KIDINS220: variants seen among roughly 807,000 people sequenced by gnomAD.
The protein encoded by KIDINS220 is kinase D-interacting substrate of 220 kDa.
A neutral mutation model predicts 157.6 loss-of-function variants in KIDINS220; 63 were observed. The observed-to-expected ratio is 0.40, with a 90% confidence interval of 0.33 to 0.49. The LOEUF (loss-of-function observed/expected upper bound fraction) is 0.49. Ranked by LOEUF, KIDINS220 falls within the 20% of genes least tolerant of loss-of-function variation. The pLI is 0.66. For synonymous variants in KIDINS220, 732 were observed against 783.6 expected, an observed-to-expected ratio of 0.93 and a Z score of 1.10; for missense variants, 1,772 against 2,171.2, an observed-to-expected ratio of 0.82 and a Z score of 3.65.
chr2:8,743,460 C>T (rs1051170852), intron 26 of KIDINS220, among the ~76,000 whole-genome samples: 6 of 152,130 alleles, frequency 3.9e-5, no homozygotes, highest in Non-Finnish European at 8.8e-5. Context: ...GCTGACTAAT[C>T]CTTGAATCAG....
intron 20 of KIDINS220, among the ~76,000 whole-genome samples, chr2:8,777,392 G>A (rs1451676162): frequency 6.6e-6 from 1 of 152,146 alleles, no homozygotes; most frequent in Non-Finnish European, 1.5e-5. Flanking sequence ...TGGATGTTCT[G>A]GGCTTGGGCA....
At chr2:8,721,375 A>C (rs1374123444), downstream of KIDINS220, 1 of 152,232 alleles carries the variant, frequency 6.6e-6, no homozygotes, top group East Asian at 1.9e-4. Flanking sequence ...CATGCATCAT[A>C]ATTGGATGAG....
At chr2:8,799,743 T>C (rs1674436958) in intron 9 of KIDINS220, among the ~76,000 whole-genome samples, 1 of 152,228 alleles carries the variant, frequency 6.6e-6, no homozygotes, top group African/African-American at 2.4e-5. Flanking sequence ...CAAGAGATTT[T>C]TGGCCAAATA....
Position 8,818,684 on chromosome 2 carries a change from T to C in KIDINS220, c.207+11A>G. On this transcript the variant is annotated intron_variant, in intron 3 of 29. Transcript: ENST00000256707. ...GTGAGTAAATGATGAGTAAATTATT[T>C]TAATATATACCAAATCTTCCAGATT... 1 of 1,447,672 alleles carries C rather than the reference T, an allele frequency of 6.9e-7. No homozygotes were observed. Among genetic ancestry groups the C allele is most frequent in the Non-Finnish European group, 9.6e-7 (1 of 1,040,348 alleles). 89.7% of individuals were successfully genotyped at this position (1,447,672 alleles called of 1,614,324 possible).
rs761127206 is a variant in KIDINS220 at position 8,779,084 on chromosome 2, T to C, written c.2426A>G (p.His809Arg). Residue 809 changes from histidine (H) to arginine (R), a missense_variant, in exon 19 of 30, where the codon CAT (histidine) becomes CGT (arginine). By Grantham distance (29) the His-to-Arg change is conservative. Around this residue, in one of 3 missense-constraint regions of KIDINS220, gnomAD observed 725 missense variants for 1,017.1 expected, o/e 0.71. Coordinates refer to ENST00000256707, the MANE Select transcript of KIDINS220 (RefSeq NM_020738.4). The stretch of plus-strand genomic sequence containing the variant: ...CTGGTTAATTGCCTTTATGATAATA[T>C]GTGGATCACTTGCAAAAATGGCAAT... The part of the protein sequence containing the change: ...PFIAIFASDP[H>R]IIIKAINQNL... 4 of 1,614,064 alleles carry C rather than the reference T, an allele frequency of 2.5e-6. No homozygotes were observed. The highest frequency in any genetic ancestry group is 1.1e-5 in the South Asian group (1 of 91,092).
intron 17 of KIDINS220, 97 bp from the exon 18 acceptor site, chr2:8,779,911 A>T: frequency 7.8e-7 from 1 of 1,288,888 alleles, no homozygotes; most frequent in Non-Finnish European, 1.1e-6. Context: ...TCTAATAGGA[A>T]CAGAAGACAT....
At chr2:8,780,260 A>G (rs1313947628) in intron 17 of KIDINS220, among the ~76,000 whole-genome samples, 3 of 145,762 alleles carry the variant, frequency 2.1e-5, no homozygotes, top group South Asian at 2.3e-4. Context: ...TTAAAAACAG[A>G]TATCTTTACT....
chr2:8,779,616 A>T, intron 18 of KIDINS220, 58 bp downstream of exon 18: 1 of 1,543,414 alleles, frequency 6.5e-7, no homozygotes, highest in Non-Finnish European at 8.8e-7. Context: ...GTGAAGTCAA[A>T]CATTCTCTCA....
At chr2:8,808,073 G>A (rs1486125330) in intron 6 of KIDINS220, among the ~76,000 whole-genome samples, 2 of 151,854 alleles carry the variant, frequency 1.3e-5, no homozygotes, top group African/African-American at 2.4e-5. Context: ...GCAATGAGCC[G>A]TGTTCATGCC....
In KIDINS220 at chr2:8,730,613, T is replaced by G. The variant is rs765809247; in HGVS notation, c.*107A>C. 1 of 1,464,824 alleles carries G rather than the reference T, an allele frequency of 6.8e-7. No individual in the cohort carries two copies. The highest frequency in any genetic ancestry group is 9.0e-7 in the Non-Finnish European group (1 of 1,115,194). The allele number at this position is 1,464,824 out of a possible 1,614,324, so 90.7% of individuals were successfully genotyped here. The stretch of plus-strand genomic sequence containing the variant: ...TTACCTCGGCCTCATCATCGGTTAG[T>G]TATCTGTCAGCAAAATGTAGAAAGG... On this transcript the variant is annotated 3_prime_UTR_variant, in exon 30 of 30. Transcript: ENST00000256707.
At chr2:8,735,797 C>T (rs930175503) in intron 27 of KIDINS220, among the ~76,000 whole-genome samples, 8 of 152,178 alleles carry the variant, frequency 5.3e-5, no homozygotes, top group South Asian at 2.1e-4. Context: ...GCAACAATGC[C>T]GCGGAGCCCT....
rs1672670358 is a variant in KIDINS220 at position 8,788,128 on chromosome 2, G to A, written c.1787+519C>T. Among the ~76,000 whole-genome samples the A allele has an allele frequency of 2.6e-5, 4 of 152,282 alleles. No individual in the cohort carries two copies. The South Asian group carries it at 6.2e-4, about 24-fold the overall frequency. On this transcript the variant is annotated intron_variant, in intron 15 of 29. Coordinates refer to ENST00000256707, the MANE Select transcript of KIDINS220 (RefSeq NM_020738.4). ...GTTAAACAGGTTTCTTTATGGAAAGGTGCCTCTGATCCTTTAACGTACAGG... is the reference window on the plus strand; with the variant it reads ...GTTAAACAGGTTTCTTTATGGAAAGATGCCTCTGATCCTTTAACGTACAGG...
At chr2:8,746,640 A>G (rs72786320) in intron 26 of KIDINS220, 13,914 of 152,392 alleles carry the variant, frequency 0.091, 831 homozygotes, top group Non-Finnish European at 0.13. Context: ...TAAAACTCAG[A>G]CTAAGACTTA....
chr2:8,726,914 GCTAT>G (rs1233193294), downstream of KIDINS220: 46 of 1,288,946 alleles, frequency 3.6e-5, 1 homozygote, highest in Admixed American at 7.1e-4. Flanking sequence ...CCTCTGAAGA[GCTAT>G]CTATCTCAAG....
intron 11 of KIDINS220, 137 bp downstream of exon 11, chr2:8,796,634 A>C: frequency 1.4e-6 from 1 of 728,416 alleles, no homozygotes; most frequent in Non-Finnish European, 2.5e-6. Flanking sequence ...TGTGGGATCC[A>C]AAGCCCACAC....
intron 17 of KIDINS220, among the ~76,000 whole-genome samples, chr2:8,780,036 A>G (rs1671482624): frequency 6.6e-6 from 1 of 152,220 alleles, no homozygotes; most frequent in Admixed American, 6.5e-5. Flanking sequence ...ACACTGTGGG[A>G]TAGACACTAC....
intron 4 of KIDINS220, among the ~76,000 whole-genome samples, 156 bp from the exon 5 acceptor site, chr2:8,813,491 C>T (rs1273116738): frequency 6.6e-6 from 1 of 152,182 alleles, no homozygotes; most frequent in Non-Finnish European, 1.5e-5. Context: ...TCCCCAAATA[C>T]AATAGTACAT....
At position 8,736,801 on chromosome 2, in the gene KIDINS220, C is replaced by T. The variant is rs899012672; in HGVS notation, c.3717+67G>A. On this transcript the variant is annotated intron_variant, in intron 27 of 29. Transcript: ENST00000256707. ...TGGGAAGCTATACATAAAGTTTACA[C>T]GACCCACACAGTCCTGTCTTCCGCC... 23 of 1,540,448 alleles carry T rather than the reference C, an allele frequency of 1.5e-5. No homozygotes were observed. The Admixed American group carries it at 2.3e-4, about 16-fold the overall frequency.
At chr2:8,800,129 T>C (rs2148319277) in intron 9 of KIDINS220, 1 of 323,420 alleles carries the variant, frequency 3.1e-6, no homozygotes, top group East Asian at 4.8e-5. Flanking sequence ...ATTATAGTTC[T>C]GAGGATTGAA....
Sources: allele counts gnomAD v4.1 joint callset (sites outside exome capture counted in the v4.1 genomes callset), GRCh38; gene constraint gnomAD v4.1.1; regional missense constraint gnomAD v4.1.1; transcripts MANE v1.5; gene names NCBI Gene and HGNC (gene_info 2026-07-23, HGNC 2026-07-21).